Variants in FKBP8 observed in about 807,000 individuals in gnomAD.
The protein encoded by FKBP8 is peptidyl-prolyl cis-trans isomerase FKBP8.
FKBP8 carries 5 observed loss-of-function variants against 41.7 expected under a neutral mutation model. The observed-to-expected ratio is 0.12, with a 90% CI of 0.06 to 0.25. The LOEUF (loss-of-function observed/expected upper bound fraction) is 0.25, where lower values mean the gene tolerates loss of function less well. Ranked by LOEUF, FKBP8 falls within the 10% of genes least tolerant of loss-of-function variation. FKBP8 has a pLI of 1.00. For missense variants in FKBP8, 397 were observed against 563.0 expected (o/e 0.71, Z 2.98); for synonymous variants, 279 against 254.5 (o/e 1.10, Z -0.92).
At chr19:18,534,326 A>G (rs1976520445) in intron 6 of FKBP8, among the ~76,000 whole-genome samples, 1 of 152,074 alleles carries the variant, frequency 6.6e-6, no homozygotes, top group South Asian at 2.1e-4. Flanking sequence ...CAAACAAACA[A>G]AAAAAACAGC....
At position 18,532,141 on chromosome 19, in the gene FKBP8, G is replaced by A; in HGVS notation, c.*28C>T. 3 of 1,555,556 alleles carry A rather than the reference G, an allele frequency of 1.9e-6. No homozygotes were observed. The highest frequency in any genetic ancestry group is 2.6e-6 in the Non-Finnish European group (3 of 1,145,942). ...GAGCGCAGGGCAGGGTCCATGGTGTGCAGAGGGGGTGGCAGCCACCTAGGT... is the reference window on the plus strand; with the variant it reads ...GAGCGCAGGGCAGGGTCCATGGTGTACAGAGGGGGTGGCAGCCACCTAGGT... On this transcript the variant is annotated 3_prime_UTR_variant, in exon 9 of 9. Coordinates refer to ENST00000608443, the MANE Select transcript of FKBP8 (RefSeq NM_012181.5).
Position 18,537,506 on chromosome 19 carries a change from G to A in FKBP8, c.945+95C>T. The A allele has an allele frequency of 8.2e-7, 1 of 1,218,440 alleles. No individual in the cohort carries two copies. The allele number at this position is 1,218,440 out of a possible 1,614,324, so 75.5% of individuals were successfully genotyped here. On this transcript the variant is annotated intron_variant, in intron 6 of 8. Coordinates refer to ENST00000608443, the MANE Select transcript of FKBP8 (RefSeq NM_012181.5). The surrounding 1 kb of genome is among the most constrained non-coding windows in gnomAD (Gnocchi z 4.4). ...ACCTGCACCCCACAGAGCTCAGCTG[G>A]CTTATATACCTATGCCTTTCTCAAA...
At position 18,537,954 on chromosome 19, in the gene FKBP8, G is replaced by A. The variant is rs557934198; in HGVS notation, c.773-181C>T. On this transcript the variant is annotated intron_variant, in intron 5 of 8. Transcript: ENST00000608443. This position sits in a 1 kb window ranked among gnomAD's most constrained non-coding sequence, Gnocchi z 4.4. Reference sequence around the variant, plus strand: ...ACAAGATGGAGACTTAAGCAAGCGAGGGCCTAGCCTGTGGTACATGTGAAC... The same window carrying A: ...ACAAGATGGAGACTTAAGCAAGCGAAGGCCTAGCCTGTGGTACATGTGAAC... 270 of 710,350 alleles carry A rather than the reference G, an allele frequency of 3.8e-4. 3 individuals carry two copies. In the East Asian group the frequency reaches 7.3e-3, roughly 19 times the overall value. 44.0% of individuals were successfully genotyped at this position (710,350 alleles called of 1,614,324 possible).
Position 18,537,265 on chromosome 19 carries a change from G to T in FKBP8, c.945+336C>A, listed in dbSNP as rs113736240. Among the ~76,000 whole-genome samples, 2,311 of 152,228 alleles carry T rather than the reference G, an allele frequency of 0.015. 60 individuals are homozygous for T. The highest frequency in any genetic ancestry group is 0.052 in the African/African-American group (2,150 of 41,528). ...AGGCAGGACAATCGCTTGAACCCAG[G>T]AGGAGGAGGTTGCGGTGGTGAGCTG... On this transcript the variant is annotated intron_variant, in intron 6 of 8. Coordinates refer to ENST00000608443, the MANE Select transcript of FKBP8 (RefSeq NM_012181.5). This position sits in a 1 kb window ranked among gnomAD's most constrained non-coding sequence, Gnocchi z 4.4.
Position 18,538,796 on chromosome 19 carries a change from C to T in FKBP8, c.552-360G>A, listed in dbSNP as rs139825026. The stretch of plus-strand genomic sequence containing the variant: ...CTCAGTAGCTGGGACTACAGGTGTG[C>T]ACCACACCCAGCTTTTTTTTTTTTT... On this transcript the variant is annotated intron_variant, in intron 4 of 8. Coordinates refer to ENST00000608443, the MANE Select transcript of FKBP8 (RefSeq NM_012181.5). The surrounding 1 kb of genome is among the most constrained non-coding windows in gnomAD (Gnocchi z 4.0). Among the ~76,000 whole-genome samples, 922 of 149,474 alleles carry T rather than the reference C, an allele frequency of 6.2e-3. 13 individuals carry two copies. The highest frequency in any genetic ancestry group is 0.021 in the African/African-American group (838 of 39,956).
In FKBP8 at chr19:18,537,061, G is replaced by A. The variant is rs144612970; in HGVS notation, c.945+540C>T. On this transcript the variant is annotated intron_variant, in intron 6 of 8. Transcript: ENST00000608443. This position sits in a 1 kb window ranked among gnomAD's most constrained non-coding sequence, Gnocchi z 4.4. ...GGAGGTTTCAACACTGGGCCAAGCCGGGCACGGTGGCTCAGGCCTGTAATC... is the reference window on the plus strand; with the variant it reads ...GGAGGTTTCAACACTGGGCCAAGCCAGGCACGGTGGCTCAGGCCTGTAATC... Among the ~76,000 whole-genome samples, 59 of 152,170 alleles carry A rather than the reference G, an allele frequency of 3.9e-4. No homozygotes were observed. The highest frequency in any genetic ancestry group is 1.3e-3 in the African/African-American group (55 of 41,518).
rs897480416 is a variant in FKBP8, at chr19:18,538,793, G to A, written c.552-357C>T. Among the ~76,000 whole-genome samples, 2 of 148,992 alleles carry A rather than the reference G, an allele frequency of 1.3e-5. No homozygotes were observed. Among genetic ancestry groups the A allele is most frequent in the South Asian group, 4.3e-4 (2 of 4,660 alleles). On this transcript the variant is annotated intron_variant, in intron 4 of 8. Coordinates refer to ENST00000608443, the MANE Select transcript of FKBP8 (RefSeq NM_012181.5). This position sits in a 1 kb window ranked among gnomAD's most constrained non-coding sequence, Gnocchi z 4.0. Reference sequence around the variant, plus strand: ...CTCCTCAGTAGCTGGGACTACAGGTGTGCACCACACCCAGCTTTTTTTTTT... The same window carrying A: ...CTCCTCAGTAGCTGGGACTACAGGTATGCACCACACCCAGCTTTTTTTTTT...
intron 1 of FKBP8, chr19:18,543,160 C>T (rs1037682300): frequency 3.6e-6 from 1 of 279,122 alleles, no homozygotes; most frequent in Non-Finnish European, 7.0e-6. Context: ...AGCCGCGACC[C>T]AGGCCCCCAA....
intron 6 of FKBP8, among the ~76,000 whole-genome samples, chr19:18,534,891 C>T (rs1976537885): frequency 6.6e-6 from 1 of 151,792 alleles, no homozygotes; most frequent in African/African-American, 2.4e-5. Flanking sequence ...GGGTTCACGC[C>T]ATTCTCCTGC....
chr19:18,542,804 C>T (rs1203987854), intron 1 of FKBP8: 9 of 910,696 alleles, frequency 9.9e-6, no homozygotes, highest in South Asian at 8.2e-5. Flanking sequence ...CAATAACCAA[C>T]CCCTCCGTCC....
In FKBP8 at chr19:18,538,860, G is replaced by C. The variant is rs1160275204; in HGVS notation, c.552-424C>G. ...GAGACAGTCTTGCTCTCTTGCCCAG[G>C]CTGGAGTGCAGTGGTGCAATCTCGG... is the stretch of plus-strand genomic sequence containing the variant. On this transcript the variant is annotated intron_variant, in intron 4 of 8. Coordinates refer to ENST00000608443, the MANE Select transcript of FKBP8 (RefSeq NM_012181.5). The surrounding 1 kb of genome is among the most constrained non-coding windows in gnomAD (Gnocchi z 4.0). Among the ~76,000 whole-genome samples the C allele has an allele frequency of 7.1e-6, 1 of 140,468 alleles. No individual in the cohort carries two copies. The highest frequency in any genetic ancestry group is 2.9e-5 in the African/African-American group (1 of 34,950). The allele number at this position is 140,468 out of a possible 152,430, so 92.2% of individuals were successfully genotyped here.
intron 6 of FKBP8, chr19:18,535,933 T>C (rs1190311614): frequency 6.6e-6 from 1 of 151,692 alleles, no homozygotes; most frequent in African/African-American, 2.4e-5. Context: ...GAGCTATCGA[T>C]CCCTCCTTTC....
intron 7 of FKBP8, 188 bp downstream of exon 7, chr19:18,533,082 G>T: frequency 1.5e-6 from 1 of 680,920 alleles, no homozygotes; most frequent in Non-Finnish European, 2.4e-6. Flanking sequence ...CTGGAGGAGT[G>T]AGAGCCCAGA....
intron 2 of FKBP8, among the ~76,000 whole-genome samples, chr19:18,540,506 G>T (rs1976673656): frequency 6.6e-6 from 1 of 152,000 alleles, no homozygotes; most frequent in Non-Finnish European, 1.5e-5. Flanking sequence ...GGCTGAGGCA[G>T]GAGGATCACT....
At chr19:18,536,384 G>T (rs566259522) in intron 6 of FKBP8, among the ~76,000 whole-genome samples, 1 of 152,230 alleles carries the variant, frequency 6.6e-6, no homozygotes, top group East Asian at 1.9e-4. Context: ...TTTGACACAG[G>T]GTCTTGCTCT....
intron 2 of FKBP8, among the ~76,000 whole-genome samples, chr19:18,541,156 T>G (rs1025509265): frequency 6.6e-6 from 1 of 152,156 alleles, no homozygotes; most frequent in Non-Finnish European, 1.5e-5. Context: ...TGGGGGCTCA[T>G]GTAGTTTTCT....
At chr19:18,532,461 G>A in intron 8 of FKBP8, 1 of 949,572 alleles carries the variant, frequency 1.1e-6, no homozygotes, top group Non-Finnish European at 1.6e-6. Flanking sequence ...TGCCCTGGAA[G>A]AGGCTCCACA....
Position 18,531,976 on chromosome 19 carries a change from C to T in FKBP8, c.*193G>A. On this transcript the variant is annotated 3_prime_UTR_variant, in exon 9 of 9. Transcript: ENST00000608443. Reference sequence around the variant, plus strand: ...ACTGGGTCTGAAGGAATGAGGGCCCCCTCCCTCTGGGCTTTCCTCCTAGAG... The same window carrying T: ...ACTGGGTCTGAAGGAATGAGGGCCCTCTCCCTCTGGGCTTTCCTCCTAGAG... 3 of 597,724 alleles carry T rather than the reference C, an allele frequency of 5.0e-6. No homozygotes were observed. 37.0% of individuals were successfully genotyped at this position (597,724 alleles called of 1,614,324 possible). A position where few individuals can be genotyped will look rare whatever the true frequency, so the allele number is the denominator to read the frequency against.
In FKBP8 at chr19:18,532,143, A is replaced by C. The variant is rs1976462886; in HGVS notation, c.*26T>G. Reference sequence around the variant, plus strand: ...GCGCAGGGCAGGGTCCATGGTGTGCAGAGGGGGTGGCAGCCACCTAGGTGG... The same window carrying C: ...GCGCAGGGCAGGGTCCATGGTGTGCCGAGGGGGTGGCAGCCACCTAGGTGG... On this transcript the variant is annotated 3_prime_UTR_variant, in exon 9 of 9. Coordinates refer to ENST00000608443, the MANE Select transcript of FKBP8 (RefSeq NM_012181.5). 8 of 1,561,036 alleles carry C rather than the reference A, an allele frequency of 5.1e-6. No homozygotes were observed. Among genetic ancestry groups the C allele is most frequent in the Non-Finnish European group, 7.0e-6 (8 of 1,150,438 alleles).
Sources: allele counts gnomAD v4.1 joint callset (sites outside exome capture counted in the v4.1 genomes callset), GRCh38; gene constraint gnomAD v4.1.1; non-coding constraint Gnocchi (gnomAD v3.1); transcripts MANE v1.5; gene names NCBI Gene and HGNC (gene_info 2026-07-23, HGNC 2026-07-21).